COL25A1: variants seen among roughly 807,000 people sequenced by gnomAD.
The protein encoded by COL25A1 is collagen type XXV alpha 1 chain.
COL25A1 carries 103 observed loss-of-function variants against 128.4 expected under a neutral mutation model. The ratio of observed to expected loss-of-function variants is 0.80; its 90% CI spans 0.68 to 0.94. COL25A1 has a LOEUF of 0.94. COL25A1 is among the 40% of genes least tolerant of loss of function. The pLI, the probability that COL25A1 is intolerant of heterozygous loss-of-function variation, is 0.00. For missense variants in COL25A1, 745 were observed against 840.0 expected, an observed-to-expected ratio of 0.89 and a Z score of 1.40; for synonymous variants, 279 against 277.2, an observed-to-expected ratio of 1.01 and a Z score of -0.06.
In COL25A1 at chr4:109,269,781, G is replaced by C. The variant is rs1782067729; in HGVS notation, c.367+30802C>G. 2.0e-5 allele frequency among the ~76,000 whole-genome samples: 3 copies of C among 152,208 alleles called. No individual in the cohort carries two copies. In the South Asian group the frequency reaches 6.2e-4, roughly 32 times the overall value. ...GACACAACCAAAAAAGAGAATTTTA[G>C]ACCAATATCCTTGATGAACATTGAT... On this transcript the variant is annotated intron_variant, in intron 3 of 37. Transcript: ENST00000399132.
intron 3 of COL25A1, among the ~76,000 whole-genome samples, chr4:109,263,611 C>A (rs1178129762): frequency 6.6e-6 from 1 of 152,102 alleles, no homozygotes; most frequent in South Asian, 2.1e-4. Context: ...TAGCTCTGTT[C>A]GCTTGGAAAT....
At chr4:109,276,283 G>A (rs1006948867) in intron 3 of COL25A1, among the ~76,000 whole-genome samples, 1 of 151,756 alleles carries the variant, frequency 6.6e-6, no homozygotes, top group Non-Finnish European at 1.5e-5. Context: ...ATGGTGATGG[G>A]TGCCTGTAAT....
intron 24 of COL25A1, among the ~76,000 whole-genome samples, chr4:108,856,276 G>C (rs1736496285): frequency 6.6e-6 from 1 of 152,078 alleles, no homozygotes; most frequent in African/African-American, 2.4e-5. Context: ...TAGAAATTTA[G>C]CCACCTTAAA....
At chr4:109,064,946 G>T (rs1004371792) in intron 3 of COL25A1, among the ~76,000 whole-genome samples, 1 of 152,174 alleles carries the variant, frequency 6.6e-6, no homozygotes, top group Non-Finnish European at 1.5e-5. Flanking sequence ...CCTTGAGGAG[G>T]TACAGGGTAG....
intron 3 of COL25A1, among the ~76,000 whole-genome samples, chr4:109,180,802 T>A (rs540912025): frequency 1.3e-5 from 2 of 152,250 alleles, no homozygotes; most frequent in South Asian, 4.1e-4. Flanking sequence ...AAAAGCAGCT[T>A]TTGCAAGTTA....
At chr4:109,089,134 A>C (rs1385428001) in intron 3 of COL25A1, among the ~76,000 whole-genome samples, 1 of 152,246 alleles carries the variant, frequency 6.6e-6, no homozygotes, top group Non-Finnish European at 1.5e-5. Context: ...AATATTAAAC[A>C]AAAGAAGACA....
intron 3 of COL25A1, among the ~76,000 whole-genome samples, chr4:109,198,432 C>A (rs1456344513): frequency 2.0e-5 from 3 of 152,172 alleles, no homozygotes; most frequent in Non-Finnish European, 4.4e-5. Flanking sequence ...CTGATTTCAA[C>A]TCTTTTTAAG....
intron 3 of COL25A1, among the ~76,000 whole-genome samples, chr4:109,058,791 G>A (rs141541544): frequency 6.6e-6 from 1 of 152,110 alleles, no homozygotes; most frequent in African/African-American, 2.4e-5. Context: ...TATTTAAGCG[G>A]GTGCTAAATT....
At chr4:109,300,880 T>C (rs1049086315) in intron 2 of COL25A1, among the ~76,000 whole-genome samples, 4 of 152,228 alleles carry the variant, frequency 2.6e-5, no homozygotes, top group African/African-American at 9.6e-5. Flanking sequence ...AACATCTTTC[T>C]CCATTCTTCT....
chr4:109,298,117 TC>T (rs1381190930), intron 3 of COL25A1, among the ~76,000 whole-genome samples: 22 of 152,070 alleles, frequency 1.4e-4, no homozygotes, highest in Non-Finnish European at 8.8e-5. Flanking sequence ...CTCAGTTTCC[TC>T]ATCTGTAAAA....
chr4:109,239,436 T>A (rs916169776), intron 3 of COL25A1, among the ~76,000 whole-genome samples: 10 of 146,292 alleles, frequency 6.8e-5, no homozygotes, highest in African/African-American at 2.5e-4. Context: ...ATTTATTTAT[T>A]TATTTATATT....
At chr4:109,298,629 GAAAT>G (rs1444280907) in intron 3 of COL25A1, among the ~76,000 whole-genome samples, 2 of 152,174 alleles carry the variant, frequency 1.3e-5, no homozygotes, top group East Asian at 1.9e-4. Flanking sequence ...GGCCGTATTA[GAAAT>G]AAATAGTTTT....
rs1730979001 is a variant in COL25A1 at position 108,813,567 on chromosome 4, C to G, written c.*360G>C. On this transcript the variant is annotated 3_prime_UTR_variant, in exon 38 of 38. Transcript: ENST00000399132. ...ATAGCTTTGAGTCCATATTTGGTCA[C>G]CATTTCATGTAAACTATTTCATGGC... The G allele has an allele frequency of 4.5e-6, 1 of 220,646 alleles. No homozygotes were observed. The highest frequency in any genetic ancestry group is 9.5e-5 in the South Asian group (1 of 10,558). 13.7% of individuals were successfully genotyped at this position (220,646 alleles called of 1,614,324 possible). A position where few individuals can be genotyped will look rare whatever the true frequency, so the allele number is the denominator to read the frequency against.
chr4:108,944,144 C>G (rs753757970), intron 8 of COL25A1, among the ~76,000 whole-genome samples: 12 of 152,280 alleles, frequency 7.9e-5, no homozygotes, highest in Non-Finnish European at 1.0e-4. Context: ...GGAAGCAAAA[C>G]AGAGAAAATC....
intron 3 of COL25A1, among the ~76,000 whole-genome samples, chr4:109,163,317 G>C (rs1479944164): frequency 6.6e-6 from 1 of 152,168 alleles, no homozygotes; most frequent in African/African-American, 2.4e-5. Flanking sequence ...TTACTAAGTG[G>C]GTGGCACAGG....
In COL25A1 at chr4:109,005,610, G is replaced by T. The variant is rs183573459; in HGVS notation, c.438+4748C>A. Reference sequence around the variant, plus strand: ...GTATAATAGAAGTAGACCATTATTAGTAATAGTGTCTTAATGAAAAATCCA... The same window carrying T: ...GTATAATAGAAGTAGACCATTATTATTAATAGTGTCTTAATGAAAAATCCA... On this transcript the variant is annotated intron_variant, in intron 6 of 37. Coordinates refer to ENST00000399132, the MANE Select transcript of COL25A1 (RefSeq NM_198721.4). 6.2e-4 allele frequency among the ~76,000 whole-genome samples: 95 copies of T among 152,288 alleles called. No homozygotes were observed. The East Asian group carries it at 0.015, about 24-fold the overall frequency.
chr4:108,964,310 CTG>C (rs1341904883), intron 8 of COL25A1, among the ~76,000 whole-genome samples: 1 of 151,678 alleles, frequency 6.6e-6, no homozygotes, highest in Non-Finnish European at 1.5e-5. Context: ...TTTAATATCT[CTG>C]TGGTCATTAA....
chr4:108,920,530 G>A (rs755025121), intron 12 of COL25A1, 48 bp downstream of exon 12: 4 of 1,474,224 alleles, frequency 2.7e-6, no homozygotes, highest in African/African-American at 2.8e-5. Context: ...CTTGCCATTA[G>A]GTCATGAGAG....
At chr4:108,901,217 C>A (rs770186266) in intron 13 of COL25A1, 45 bp from the exon 14 acceptor site, 13 of 1,276,916 alleles carry the variant, frequency 1.0e-5, no homozygotes, top group Admixed American at 6.7e-5. Context: ...TAGACAAAAT[C>A]AATACATTAC....
Sources: gnomAD v4.1 joint callset for allele counts (sites outside exome capture counted in the v4.1 genomes callset) on GRCh38, gnomAD v4.1.1 for gene constraint, MANE v1.5 for transcripts, NCBI Gene and HGNC (gene_info 2026-07-23, HGNC 2026-07-21) for gene names.